The following ACBD7 variants were observed in gnomAD, a reference collection of about 807,000 sequenced individuals.
The protein encoded by ACBD7 is acyl-CoA-binding domain-containing protein 7.
A neutral mutation model predicts 13.7 loss-of-function variants in ACBD7; 11 were observed. The observed-to-expected ratio is 0.80, with a 90% confidence interval of 0.50 to 1.33. The LOEUF (loss-of-function observed/expected upper bound fraction) is 1.33, where lower values mean the gene tolerates loss of function less well. Ranked by LOEUF, ACBD7 falls within the 40% of genes most tolerant of loss-of-function variation. The probability of loss-of-function intolerance (pLI) is 0.00; values close to 1 mark genes in which losing one functional copy is unlikely to be tolerated. For synonymous variants in ACBD7, 43 were observed against 37.7 expected (o/e 1.14, Z -0.51); for missense variants, 111 against 103.0 (o/e 1.08, Z -0.33).
intron 3 of ACBD7, 27 bp downstream of exon 3, chr10:15,078,664 C>T: frequency 6.2e-7 from 1 of 1,614,040 alleles, no homozygotes; most frequent in South Asian, 1.1e-5. Context: ...AGAAAGTTTG[C>T]TTTAAACTTG....
intron 1 of ACBD7, among the ~76,000 whole-genome samples, chr10:15,080,867 T>G (rs1002205923): frequency 6.6e-6 from 1 of 152,170 alleles, no homozygotes; most frequent in Non-Finnish European, 1.5e-5. Flanking sequence ...CCTTATTTTT[T>G]AAAACTCAGG....
rs577226675 is a variant in ACBD7, at chr10:15,085,565, G to T, written c.12+3152C>A. On this transcript the variant is annotated intron_variant, in intron 1 of 3. Transcript: ENST00000356189. ...CAGGGTTCTTAGGTCACACAAATGT[G>T]GGCTGGGGGAAGAGGTTAGTCTTTT... 1.1e-4 allele frequency among the ~76,000 whole-genome samples: 17 copies of T among 152,302 alleles called. No homozygotes were observed. The South Asian group carries it at 3.5e-3, about 32-fold the overall frequency.
At chr10:15,083,928 C>T (rs554302065) in intron 1 of ACBD7, among the ~76,000 whole-genome samples, 11 of 152,358 alleles carry the variant, frequency 7.2e-5, no homozygotes, top group East Asian at 3.9e-4. Flanking sequence ...CACAAGGCAG[C>T]GTGCTTGAAG....
In ACBD7 at chr10:15,075,990, A is replaced by G. The variant is rs1048948616; in HGVS notation, c.*2540T>C. On this transcript the variant is annotated 3_prime_UTR_variant, in exon 4 of 4. Transcript: ENST00000356189. ...GCCTGTCTCAACAAAAAAAAAAAAAAAAAAAAAGAAAAGAAAAAGAATGTT... is the reference window on the plus strand; with the variant it reads ...GCCTGTCTCAACAAAAAAAAAAAAAGAAAAAAAGAAAAGAAAAAGAATGTT... 2.2e-5 allele frequency: 14 copies of G among 639,014 alleles called. No homozygotes were observed. In the African/African-American group the frequency reaches 2.2e-4, roughly 10 times the overall value. 39.6% of individuals were successfully genotyped at this position (639,014 alleles called of 1,614,324 possible).
chr10:15,083,558 T>C (rs1347730651), intron 1 of ACBD7, among the ~76,000 whole-genome samples: 2 of 152,212 alleles, frequency 1.3e-5, no homozygotes, highest in Non-Finnish European at 2.9e-5. Flanking sequence ...CACGGCTCAC[T>C]GCAACCTCCA....
Position 15,078,615 on chromosome 10 carries a change from C to G in ACBD7, c.194-12G>C, listed in dbSNP as rs1336608778. The G allele has an allele frequency of 6.2e-7, 1 of 1,614,110 alleles. No individual in the cohort carries two copies. Among genetic ancestry groups the G allele is most frequent in the East Asian group, 2.2e-5 (1 of 44,876 alleles). ...TTCCGTCGACAACCCTAGAAAGATA[C>G]AAACAGGTTATCTCCCTGATTGGTG... On this transcript the variant is annotated splice_polypyrimidine_tract_variant and intron_variant, in intron 3 of 3. Coordinates refer to ENST00000356189, the MANE Select transcript of ACBD7 (RefSeq NM_001039844.3).
At chr10:15,079,578 AG>A (rs1844725974) in intron 1 of ACBD7, among the ~76,000 whole-genome samples, 1 of 140,202 alleles carries the variant, frequency 7.1e-6, no homozygotes, top group East Asian at 2.2e-4. Flanking sequence ...CCTGATGGTG[AG>A]TTTGCTTTTT....
intron 1 of ACBD7, among the ~76,000 whole-genome samples, chr10:15,080,589 A>G (rs1272723793): frequency 6.6e-6 from 1 of 152,064 alleles, no homozygotes; most frequent in Non-Finnish European, 1.5e-5. Context: ...CAAAAACAAA[A>G]ACAAAAAACC....
At position 15,078,280 on chromosome 10, in the gene ACBD7, T is replaced by C. The variant is rs554707725; in HGVS notation, c.*250A>G. 6.1e-5 allele frequency: 73 copies of C among 1,200,952 alleles called. No individual in the cohort carries two copies. In the African/African-American group the frequency reaches 9.2e-4, roughly 15 times the overall value. The allele number at this position is 1,200,952 out of a possible 1,614,324, so 74.4% of individuals were successfully genotyped here. On this transcript the variant is annotated 3_prime_UTR_variant, in exon 4 of 4. Coordinates refer to ENST00000356189, the MANE Select transcript of ACBD7 (RefSeq NM_001039844.3). ...CAAAGGACATGAACTCATCCCTTTT[T>C]ATGGCTCCATAGTATTCCATGGTGT...
chr10:15,085,782 G>A (rs1181476523), intron 1 of ACBD7, among the ~76,000 whole-genome samples: 4 of 152,120 alleles, frequency 2.6e-5, no homozygotes, highest in Admixed American at 6.6e-5. Flanking sequence ...GGCTATAGCC[G>A]AATTAGAAAT....
intron 1 of ACBD7, among the ~76,000 whole-genome samples, chr10:15,085,837 T>C (rs779645341): frequency 3.3e-4 from 50 of 152,176 alleles, no homozygotes; most frequent in Non-Finnish European, 5.4e-4. Flanking sequence ...AGTATACTTA[T>C]TCTTGTGTAA....
rs1288998169 is a variant in ACBD7, at chr10:15,088,734, C to T, written c.-6G>A. 3.1e-6 allele frequency: 5 copies of T among 1,597,782 alleles called. No homozygotes were observed. Among genetic ancestry groups the T allele is most frequent in the Non-Finnish European group, 3.4e-6 (4 of 1,175,264 alleles). ...CCGGGTACCTGCAGGGCCATGGTGG[C>T]GGCTGCCGCGTTGTTGCTGCTGCTG... On this transcript the variant is annotated 5_prime_UTR_variant, in exon 1 of 4. Coordinates refer to ENST00000356189, the MANE Select transcript of ACBD7 (RefSeq NM_001039844.3).
chr10:15,079,014 A>G lies in ACBD7; in HGVS notation c.39T>C (p.Asp13=). ...CTGGTCTTGCTTTCAGCTTCCTCAC[A>G]TCTTCTGCAGCCCTGTCAAAATCAG... ...LQADFDRAAE[D]VRKLKARPDD... is the part of the protein sequence containing the mutation. Residue 13 remains aspartate, a synonymous_variant, in exon 2 of 4, where the codon GAT becomes GAC. Transcript: ENST00000356189. 2.5e-6 allele frequency: 4 copies of G among 1,609,580 alleles called. No homozygotes were observed. Among genetic ancestry groups the G allele is most frequent in the East Asian group, 4.5e-5 (2 of 44,682 alleles).
At chr10:15,086,108 G>T (rs776423783) in intron 1 of ACBD7, among the ~76,000 whole-genome samples, 5 of 152,138 alleles carry the variant, frequency 3.3e-5, no homozygotes, top group Non-Finnish European at 7.4e-5. Context: ...AGGAGTTCAA[G>T]ACCAGCCTGG....
intron 1 of ACBD7, among the ~76,000 whole-genome samples, chr10:15,085,769 G>C (rs1266098761): frequency 1.3e-5 from 2 of 152,166 alleles, no homozygotes; most frequent in African/African-American, 2.4e-5. Flanking sequence ...GATAAAATCA[G>C]GAGGCTATAG....
chr10:15,088,773 C>T lies in ACBD7; in HGVS notation c.-45G>A. On this transcript the variant is annotated 5_prime_UTR_variant, in exon 1 of 4. Transcript: ENST00000356189. ...TTGCTGCTGCTGTTGTCGTCCGGTGCTCTGCCCCCTCTCGCACCCACCGCT... is the reference window on the plus strand; with the variant it reads ...TTGCTGCTGCTGTTGTCGTCCGGTGTTCTGCCCCCTCTCGCACCCACCGCT... 1 of 1,593,584 alleles carries T rather than the reference C, an allele frequency of 6.3e-7. No homozygotes were observed.
intron 1 of ACBD7, among the ~76,000 whole-genome samples, chr10:15,079,269 T>TTC (rs148135660): frequency 2.3e-4 from 7 of 30,506 alleles, no homozygotes; most frequent in African/African-American, 1.3e-3. Context: ...GTTTAACTTC[T>TTC]TTTTTTTTTT....
intron 1 of ACBD7, among the ~76,000 whole-genome samples, chr10:15,084,672 C>T (rs1446114383): frequency 6.6e-6 from 1 of 152,126 alleles, no homozygotes; most frequent in Non-Finnish European, 1.5e-5. Context: ...TAGCGGCCTG[C>T]AATCAGAGGC....
chr10:15,084,469 CAA>C (rs1844786556), intron 1 of ACBD7, among the ~76,000 whole-genome samples: 1 of 152,028 alleles, frequency 6.6e-6, no homozygotes, highest in Non-Finnish European at 1.5e-5. Context: ...AAAAATTGGA[CAA>C]AATGCACAAA....
Sources: gnomAD v4.1 joint callset for allele counts (sites outside exome capture counted in the v4.1 genomes callset) on GRCh38, gnomAD v4.1.1 for gene constraint, MANE v1.5 for transcripts, NCBI Gene and HGNC (gene_info 2026-07-23, HGNC 2026-07-21) for gene names.